The following RERE variants were observed in gnomAD, a reference collection of about 807,000 sequenced individuals.
RERE encodes arginine-glutamic acid dipeptide repeats protein.
Under a neutral mutation model 146.1 loss-of-function variants are expected in RERE, and 40 were observed. The ratio of observed to expected loss-of-function variants is 0.27; its 90% CI spans 0.21 to 0.36. The LOEUF (loss-of-function observed/expected upper bound fraction) is 0.36, where lower values mean the gene tolerates loss of function less well. RERE is among the 10% of genes least tolerant of loss of function. The pLI is 1.00. For missense variants in RERE, 1,933 were observed against 2,138.7 expected, an observed-to-expected ratio of 0.90 and a Z score of 1.90; for synonymous variants, 1,003 against 866.0, an observed-to-expected ratio of 1.16 and a Z score of -2.78.
intron 2 of RERE, among the ~76,000 whole-genome samples, chr1:8,625,359 A>G (rs559055621): frequency 1.3e-5 from 2 of 152,318 alleles, no homozygotes; most frequent in Non-Finnish European, 1.5e-5. Flanking sequence ...TCCTACCCCC[A>G]TATCACAACC....
intron 2 of RERE, among the ~76,000 whole-genome samples, chr1:8,652,817 C>T (rs758573548): frequency 3.9e-5 from 6 of 152,144 alleles, no homozygotes; most frequent in Admixed American, 1.3e-4. Context: ...TGGGTGAGGA[C>T]ACACAGCCAA....
intron 1 of RERE, among the ~76,000 whole-genome samples, chr1:8,777,630 G>T (rs1202423849): frequency 6.6e-6 from 1 of 151,186 alleles, no homozygotes; most frequent in Non-Finnish European, 1.5e-5. Flanking sequence ...CACCTCCTGG[G>T]TTCACACCAT....
intron 6 of RERE, among the ~76,000 whole-genome samples, chr1:8,548,576 A>C (rs1300475828): frequency 1.3e-5 from 2 of 152,238 alleles, no homozygotes; most frequent in Non-Finnish European, 2.9e-5. Flanking sequence ...CAAATTCTGA[A>C]ACTAAGTTGT....
At chr1:8,508,919 A>G (rs1216099024) in intron 7 of RERE, among the ~76,000 whole-genome samples, 4 of 151,752 alleles carry the variant, frequency 2.6e-5, no homozygotes, top group Non-Finnish European at 4.4e-5. Context: ...TTCCTACATC[A>G]TCGTTCTTTT....
intron 8 of RERE, among the ~76,000 whole-genome samples, chr1:8,504,865 T>A (rs968862135): frequency 1.3e-4 from 19 of 151,092 alleles, no homozygotes; most frequent in African/African-American, 2.2e-4. Context: ...AAAAAAAAAA[T>A]AAATGATCAG....
At chr1:8,493,282 G>A (rs112584088) in intron 10 of RERE, among the ~76,000 whole-genome samples, 1 of 151,988 alleles carries the variant, frequency 6.6e-6, no homozygotes, top group African/African-American at 2.4e-5. Context: ...GCCCCTTCTG[G>A]CTTAATCATA....
chr1:8,792,140 G>T (rs1455258892), intron 1 of RERE, among the ~76,000 whole-genome samples: 1 of 151,898 alleles, frequency 6.6e-6, no homozygotes, highest in African/African-American at 2.4e-5. Context: ...GTATAAGAGC[G>T]CCTTCTTCAC....
chr1:8,357,945 A>C (rs1170158152), intron 20 of RERE, among the ~76,000 whole-genome samples: 1 of 152,242 alleles, frequency 6.6e-6, no homozygotes. Flanking sequence ...GCACAGGGCC[A>C]AGAACCCAGG....
intron 11 of RERE, among the ~76,000 whole-genome samples, chr1:8,441,943 T>A (rs1644254382): frequency 1.3e-5 from 2 of 151,770 alleles, no homozygotes; most frequent in African/African-American, 4.8e-5. Flanking sequence ...ATACACACAC[T>A]TTTTGTTGCA....
Position 8,723,129 on chromosome 1 carries a change from C to T in RERE, c.-144-66688G>A, listed in dbSNP as rs79912750. 5.6e-3 allele frequency among the ~76,000 whole-genome samples: 859 copies of T among 152,232 alleles called. 8 individuals carry two copies. The highest frequency in any genetic ancestry group is 0.02 in the African/African-American group (825 of 41,530). On this transcript the variant is annotated intron_variant, in intron 1 of 22. Coordinates refer to ENST00000400908, the MANE Select transcript of RERE (RefSeq NM_001042681.2). ...CAGCTATCAAATCCTGAATGCCTCA[C>T]AAACATCAGATCAGCCATCCATCAC... is the stretch of plus-strand genomic sequence containing the variant.
At chr1:8,465,809 A>T (rs1174353671) in intron 11 of RERE, 116 bp downstream of exon 11, 1 of 826,904 alleles carries the variant, frequency 1.2e-6, no homozygotes, top group East Asian at 2.5e-5. Flanking sequence ...GCTGCCACGG[A>T]CAGCCATTCT....
chr1:8,638,565 A>C (rs1336156599), intron 2 of RERE, among the ~76,000 whole-genome samples: 3 of 152,168 alleles, frequency 2.0e-5, no homozygotes, highest in Admixed American at 1.3e-4. Flanking sequence ...CATGGAAATA[A>C]ATTCAGGACA....
intron 1 of RERE, among the ~76,000 whole-genome samples, chr1:8,802,988 A>G (rs1274242991): frequency 6.6e-6 from 1 of 152,224 alleles, no homozygotes; most frequent in African/African-American, 2.4e-5. Context: ...GGGTTCTAAG[A>G]AGTCCTTGGA....
chr1:8,400,381 T>TC (rs1643209267), intron 12 of RERE, among the ~76,000 whole-genome samples: 8 of 152,016 alleles, frequency 5.3e-5, no homozygotes, highest in Admixed American at 1.3e-4. Flanking sequence ...GCCTCCCAAG[T>TC]AGTGGGACTA....
chr1:8,711,049 C>T (rs1401430019), intron 1 of RERE, among the ~76,000 whole-genome samples: 3 of 149,076 alleles, frequency 2.0e-5, no homozygotes, highest in African/African-American at 7.4e-5. Flanking sequence ...CCCAGCTACT[C>T]GGGAGGCTGA....
chr1:8,648,122 C>A (rs945480834), intron 2 of RERE, among the ~76,000 whole-genome samples: 1 of 152,196 alleles, frequency 6.6e-6, no homozygotes, highest in African/African-American at 2.4e-5. Context: ...CAATCTCTCT[C>A]CTGACTTCAA....
intron 10 of RERE, among the ~76,000 whole-genome samples, chr1:8,480,767 G>T (rs1644824407): frequency 6.6e-6 from 1 of 152,070 alleles, no homozygotes; most frequent in African/African-American, 2.4e-5. Flanking sequence ...AAAGGCTAAA[G>T]GTTTTTTTAT....
intron 11 of RERE, chr1:8,465,353 T>C (rs1268887577): frequency 5.6e-6 from 1 of 178,130 alleles, no homozygotes. Flanking sequence ...TTGTAATCAA[T>C]GTCCTTTAAG....
chr1:8,797,363 G>GT (rs1641496697), intron 1 of RERE, among the ~76,000 whole-genome samples: 1 of 105,216 alleles, frequency 9.5e-6, no homozygotes, highest in African/African-American at 3.9e-5. Context: ...AGGTGACAGA[G>GT]TAAGACTCCG....
Sources: gnomAD v4.1 joint callset for allele counts (sites outside exome capture counted in the v4.1 genomes callset) on GRCh38, gnomAD v4.1.1 for gene constraint, MANE v1.5 for transcripts, NCBI Gene and HGNC (gene_info 2026-07-23, HGNC 2026-07-21) for gene names.